The following CROT variants were observed in gnomAD, a reference collection of about 807,000 sequenced individuals.
The protein encoded by CROT is peroxisomal carnitine O-octanoyltransferase.
A neutral mutation model predicts 89.2 loss-of-function variants in CROT; 84 were observed. The ratio of observed to expected loss-of-function variants is 0.94; its 90% CI spans 0.79 to 1.13. The LOEUF (loss-of-function observed/expected upper bound fraction) is 1.13, where lower values mean the gene tolerates loss of function less well. Among genes scored for constraint, CROT ranks in the 50% most tolerant of loss-of-function variants. CROT has a pLI of 0.00. For missense variants in CROT, 711 were observed against 727.8 expected, an observed-to-expected ratio of 0.98 and a Z score of 0.27; for synonymous variants, 212 against 239.5, an observed-to-expected ratio of 0.89 and a Z score of 1.06.
At chr7:87,358,242 C>T (rs113861849) in intron 3 of CROT, among the ~76,000 whole-genome samples, 1,754 of 151,552 alleles carry the variant, frequency 0.012, 34 homozygotes, top group African/African-American at 0.039. Context: ...CTTTGGGAGG[C>T]GGAGGCAGGT....
chr7:87,390,748 T>A (rs1168767495), intron 13 of CROT, among the ~76,000 whole-genome samples: 1 of 152,222 alleles, frequency 6.6e-6, no homozygotes, highest in Non-Finnish European at 1.5e-5. Context: ...TTCTAGTCCT[T>A]CATGTTCTAT....
chr7:87,393,639 C>T (rs1807437327), intron 17 of CROT, among the ~76,000 whole-genome samples: 2 of 152,122 alleles, frequency 1.3e-5, no homozygotes, highest in Admixed American at 6.6e-5. Flanking sequence ...TCCTTATCTA[C>T]AGTCTGGCAG....
intron 6 of CROT, among the ~76,000 whole-genome samples, chr7:87,364,798 G>A (rs755283378): frequency 6.6e-6 from 1 of 152,200 alleles, no homozygotes; most frequent in Non-Finnish European, 1.5e-5. Flanking sequence ...AGGCAATTAG[G>A]AGGGAATGCA....
intron 3 of CROT, among the ~76,000 whole-genome samples, chr7:87,354,954 A>AT (rs1327671896): frequency 2.6e-5 from 4 of 152,182 alleles, no homozygotes; most frequent in Admixed American, 6.6e-5. Context: ...CAAACCGTCT[A>AT]TGACATGCTT....
intron 6 of CROT, among the ~76,000 whole-genome samples, chr7:87,368,153 G>A (rs1334291282): frequency 1.3e-5 from 2 of 152,042 alleles, no homozygotes; most frequent in East Asian, 3.9e-4. Flanking sequence ...TAATGCCTTT[G>A]TGCTTGCTGT....
At chr7:87,357,580 A>G (rs1806123362) in intron 3 of CROT, 1 of 1,237,522 alleles carries the variant, frequency 8.1e-7, no homozygotes, top group Non-Finnish European at 1.2e-6. Context: ...TCACGCGGGA[A>G]GGAATTCAAG....
chr7:87,353,622 G>A lies in CROT; in HGVS notation c.115+4439G>A, dbSNP rs559572921. On this transcript the variant is annotated intron_variant, in intron 3 of 17. Coordinates refer to ENST00000331536, the MANE Select transcript of CROT (RefSeq NM_021151.4). Reference sequence around the variant, plus strand: ...TACAGGAAGCATAGTGCTGGTATCGGCTTCTGGAAAGTCCTCAGGAACCTT... The same window carrying A: ...TACAGGAAGCATAGTGCTGGTATCGACTTCTGGAAAGTCCTCAGGAACCTT... 3.9e-5 allele frequency among the ~76,000 whole-genome samples: 6 copies of A among 152,328 alleles called. No homozygotes were observed. The East Asian group carries it at 1.2e-3, about 29-fold the overall frequency.
intron 7 of CROT, among the ~76,000 whole-genome samples, chr7:87,371,467 G>A (rs1806627697): frequency 6.6e-6 from 1 of 152,044 alleles, no homozygotes; most frequent in Non-Finnish European, 1.5e-5. Context: ...GTTTCCATTT[G>A]TTGCTATAAC....
rs140919280 is a variant in CROT at position 87,390,081 on chromosome 7, C to T, written c.1302-1508C>T. On this transcript the variant is annotated intron_variant, in intron 13 of 17. Coordinates refer to ENST00000331536, the MANE Select transcript of CROT (RefSeq NM_021151.4). ...TATCCTGTAGAGTTTTCTGAATTTTCCTGATTGTATTCCCATGGTGATATT... is the reference window on the plus strand; with the variant it reads ...TATCCTGTAGAGTTTTCTGAATTTTTCTGATTGTATTCCCATGGTGATATT... Among the ~76,000 whole-genome samples, 1,150 of 152,150 alleles carry T rather than the reference C, an allele frequency of 7.6e-3. 15 individuals carry two copies. The highest frequency in any genetic ancestry group is 0.025 in the African/African-American group (1,035 of 41,510).
At chr7:87,356,045 G>A (rs1806056336) in intron 3 of CROT, among the ~76,000 whole-genome samples, 1 of 152,050 alleles carries the variant, frequency 6.6e-6, no homozygotes. Flanking sequence ...CAGTGGTGTA[G>A]TCACAGGTCA....
At chr7:87,371,993 CAA>C (rs76864305) in intron 7 of CROT, among the ~76,000 whole-genome samples, 1 of 59,746 alleles carries the variant, frequency 1.7e-5, no homozygotes, top group Non-Finnish European at 3.2e-5. Context: ...GACGCTGTCT[CAA>C]AAAAAAAAAA....
Position 87,361,785 on chromosome 7 carries a change from A to C in CROT, c.480A>C (p.Arg160=), listed in dbSNP as rs752937841. The C allele has an allele frequency of 2.0e-5, 32 of 1,609,508 alleles. 1 individual carries two copies. In the South Asian group the frequency reaches 3.3e-4, roughly 17 times the overall value. ...CTCCTCTAGATATGAATCAATTCCGAATGCTATTTTCTACCTGCAAGGTTC... is the reference window on the plus strand; with the variant it reads ...CTCCTCTAGATATGAATCAATTCCGCATGCTATTTTCTACCTGCAAGGTTC... ...GNTPLDMNQF[R]MLFSTCKVPG... The change falls in exon 6 of 18, where the codon CGA becomes CGC. Residue 160 remains arginine, a synonymous_variant. Coordinates refer to ENST00000331536, the MANE Select transcript of CROT (RefSeq NM_021151.4).
chr7:87,352,653 T>TA (rs1170609859), intron 3 of CROT, among the ~76,000 whole-genome samples: 1 of 152,182 alleles, frequency 6.6e-6, no homozygotes, highest in African/African-American at 2.4e-5. Flanking sequence ...AACAAGCCCT[T>TA]ACAATCTCAT....
rs553712133 is a variant in CROT, at chr7:87,395,669, T to C, written c.1718+2602T>C. Among the ~76,000 whole-genome samples the C allele has an allele frequency of 2.6e-5, 4 of 152,302 alleles. No homozygotes were observed. The East Asian group carries it at 7.7e-4, about 29-fold the overall frequency. On this transcript the variant is annotated intron_variant, in intron 17 of 17. Coordinates refer to ENST00000331536, the MANE Select transcript of CROT (RefSeq NM_021151.4). ...AACCTTTTTTTCTGGACTGGTTTCT[T>C]TGATGTTTTGTCACTGAAGTCAGGA...
chr7:87,391,501 C>A, intron 13 of CROT, 88 bp from the exon 14 acceptor site: 1 of 1,312,378 alleles, frequency 7.6e-7, no homozygotes, highest in Non-Finnish European at 1.0e-6. Flanking sequence ...AGTCTCTGAA[C>A]AAAGCTAGCT....
intron 7 of CROT, among the ~76,000 whole-genome samples, chr7:87,372,997 G>C (rs569311104): frequency 6.6e-6 from 1 of 152,076 alleles, no homozygotes; most frequent in African/African-American, 2.4e-5. Flanking sequence ...ATATTTTAGG[G>C]GTAGAATTGC....
At chr7:87,382,038 A>C in intron 11 of CROT, 36 bp from the exon 12 acceptor site, 1 of 1,572,692 alleles carries the variant, frequency 6.4e-7, no homozygotes, top group South Asian at 1.1e-5. Context: ...TAATAGTTCT[A>C]TAGATAAAAT....
At chr7:87,397,626 T>C (rs1398340301) in intron 17 of CROT, among the ~76,000 whole-genome samples, 2 of 152,220 alleles carry the variant, frequency 1.3e-5, no homozygotes, top group Non-Finnish European at 2.9e-5. Context: ...GAATGATTCG[T>C]GATCATGAAT....
At chr7:87,351,225 C>T (rs981646960) in intron 3 of CROT, among the ~76,000 whole-genome samples, 1 of 140,202 alleles carries the variant, frequency 7.1e-6, no homozygotes, top group African/African-American at 2.6e-5. Flanking sequence ...AGGAGAATGG[C>T]GTGAACCCGG....
Sources: allele counts gnomAD v4.1 joint callset (sites outside exome capture counted in the v4.1 genomes callset), GRCh38; gene constraint gnomAD v4.1.1; transcripts MANE v1.5; gene names NCBI Gene and HGNC (gene_info 2026-07-23, HGNC 2026-07-21).